Variants in TMPRSS5 observed in about 807,000 individuals in gnomAD.
TMPRSS5 encodes the protein transmembrane serine protease 5, also known as transmembrane protease serine 5.
Under a neutral mutation model 59.7 loss-of-function variants are expected in TMPRSS5, and 45 were observed. The observed-to-expected ratio is 0.75, with a 90% CI of 0.59 to 0.97. The LOEUF (loss-of-function observed/expected upper bound fraction) is 0.97. Ranked by LOEUF, TMPRSS5 falls within the 50% of genes least tolerant of loss-of-function variation. The pLI is 0.00. For synonymous variants in TMPRSS5, 225 were observed against 232.0 expected (o/e 0.97, Z 0.27); for missense variants, 585 against 596.7 (o/e 0.98, Z 0.20).
At chr11:113,700,968 T>C (rs1953114777) in intron 1 of TMPRSS5, among the ~76,000 whole-genome samples, 2 of 152,210 alleles carry the variant, frequency 1.3e-5, no homozygotes, top group South Asian at 4.1e-4. Context: ...TGGGGCTTTT[T>C]CCCTCTCCAC....
At chr11:113,702,779 C>G (rs560642365) in intron 1 of TMPRSS5, among the ~76,000 whole-genome samples, 23 of 152,378 alleles carry the variant, frequency 1.5e-4, no homozygotes, top group African/African-American at 5.3e-4. Flanking sequence ...CAGCTCAGAT[C>G]ATTGCTTCAG....
At chr11:113,699,286 T>TCTCTCC (rs1953049861) in intron 3 of TMPRSS5, among the ~76,000 whole-genome samples, 6 of 124,700 alleles carry the variant, frequency 4.8e-5, no homozygotes, top group East Asian at 8.9e-4. Flanking sequence ...TCTCTCTCTC[T>TCTCTCC]CTCTCTGTCT....
chr11:113,699,160 C>T (rs1953018008), intron 3 of TMPRSS5, 133 bp from the exon 4 acceptor site: 1 of 905,442 alleles, frequency 1.1e-6, no homozygotes, highest in African/African-American at 1.7e-5. Context: ...CGCTCCATCT[C>T]TCTCGGCCTC....
intron 3 of TMPRSS5, among the ~76,000 whole-genome samples, chr11:113,699,260 T>TCTCCCCCCCCC (rs1565263673): frequency 2.8e-5 from 1 of 35,948 alleles, no homozygotes; most frequent in Non-Finnish European, 5.1e-5. Context: ...TCTCTCTCTC[T>TCTCCCCCCCCC]CTCTCTCTCT....
At chr11:113,691,033 C>T in intron 9 of TMPRSS5, 94 bp from the exon 10 acceptor site, 1 of 1,174,536 alleles carries the variant, frequency 8.5e-7, no homozygotes. Flanking sequence ...AAGTCCTCCT[C>T]AGCCCCCTTC....
intron 8 of TMPRSS5, among the ~76,000 whole-genome samples, chr11:113,693,992 G>T (rs538978511): frequency 6.6e-6 from 1 of 152,210 alleles, no homozygotes; most frequent in Non-Finnish European, 1.5e-5. Flanking sequence ...ATGAGGCCAG[G>T]CACGGTGGCT....
rs1221776933 is a variant in TMPRSS5, at chr11:113,689,876, T to G, written c.1248A>C (p.Thr416=). The G allele has an allele frequency of 6.3e-7, 1 of 1,576,234 alleles. No individual in the cohort carries two copies. Among genetic ancestry groups the G allele is most frequent in the East Asian group, 2.4e-5 (1 of 42,472 alleles). The change falls in exon 12 of 13, where the codon ACA becomes ACC. Residue 416 remains threonine, a synonymous_variant. Transcript: ENST00000299882. ...AGCTGACCACCCCCACTAGGCGCCATGTGTCCCCATCTGGGCACACTAGGG... is the reference window on the plus strand; with the variant it reads ...AGCTGACCACCCCCACTAGGCGCCAGGTGTCCCCATCTGGGCACACTAGGG... ...GGPLVCPDGD[T]WRLVGVVSWG... is the part of the protein sequence containing the mutation.
At chr11:113,703,216 A>C (rs1023243068) in intron 1 of TMPRSS5, among the ~76,000 whole-genome samples, 3 of 152,248 alleles carry the variant, frequency 2.0e-5, no homozygotes, top group Non-Finnish European at 2.9e-5. Flanking sequence ...CATCAGCGTG[A>C]CCTGGATATA....
chr11:113,697,299 T>C lies in TMPRSS5; in HGVS notation c.448A>G (p.Ser150Gly), dbSNP rs1952956233. 2 of 1,612,266 alleles carry C rather than the reference T, an allele frequency of 1.2e-6. No individual in the cohort carries two copies. Among genetic ancestry groups the C allele is most frequent in the South Asian group, 2.2e-5 (2 of 91,004 alleles). The change falls in exon 5 of 13, where the codon AGC becomes GGC. Residue 150 changes from serine to glycine, a missense_variant. Physicochemically the swap from Ser to Gly is moderately conservative, Grantham distance 56. Transcript: ENST00000299882. ...TCCTGTTACCTGAGATGCCCAAGGC[T>C]CCAGCAGATCTGCAGCCCCAGGGCG... ...SPALGLQICW[S>G]LGHLRLTHHK...
rs1484805950 is a variant in TMPRSS5 at position 113,699,935 on chromosome 11, G to A, written c.106+131C>T. 2.6e-6 allele frequency: 4 copies of A among 1,527,258 alleles called. No individual in the cohort carries two copies. In the African/African-American group the frequency reaches 4.1e-5, roughly 16 times the overall value. 94.6% of individuals were successfully genotyped at this position (1,527,258 alleles called of 1,614,324 possible). A position where few individuals can be genotyped will look rare whatever the true frequency, so the allele number is the denominator to read the frequency against. On this transcript the variant is annotated intron_variant, in intron 2 of 12. Transcript: ENST00000299882. ...GAAATGGGGAGCAGAAGCAGGTCTG[G>A]GGATAAAGAGTGAGACAGCCTCTCA...
At chr11:113,696,641 C>T (rs1337241014) in intron 6 of TMPRSS5, among the ~76,000 whole-genome samples, 4 of 152,220 alleles carry the variant, frequency 2.6e-5, no homozygotes, top group African/African-American at 7.2e-5. Context: ...ACCAACCCTA[C>T]ATTTCTTGTG....
In TMPRSS5 at chr11:113,706,202, GC is replaced by G; in HGVS notation, c.3+19del. 1 of 1,596,890 alleles carries G rather than the reference GC, an allele frequency of 6.3e-7. No individual in the cohort carries two copies. Among genetic ancestry groups the G allele is most frequent in the Middle Eastern group, 1.7e-4 (1 of 6,034 alleles). On this transcript the variant is annotated intron_variant, in intron 1 of 12. Transcript: ENST00000299882. ...AGAGAGAGAGGCCACAGCAGGGATGGCACAGAGACGTAACCTTACCATAGGG... is the reference window on the plus strand; with the variant it reads ...AGAGAGAGAGGCCACAGCAGGGATGGACAGAGACGTAACCTTACCATAGGG...
In TMPRSS5 at chr11:113,700,184, C is replaced by A; in HGVS notation, c.4-16G>T. The A allele has an allele frequency of 1.3e-6, 2 of 1,521,708 alleles. No individual in the cohort carries two copies. Among genetic ancestry groups the A allele is most frequent in the African/African-American group, 1.4e-5 (1 of 72,808 alleles). 94.3% of individuals were successfully genotyped at this position (1,521,708 alleles called of 1,614,324 possible). On this transcript the variant is annotated splice_polypyrimidine_tract_variant and intron_variant, in intron 1 of 12. Coordinates refer to ENST00000299882, the MANE Select transcript of TMPRSS5 (RefSeq NM_030770.4). Reference sequence around the variant, plus strand: ...GCATCAGGCTCTGGGGAAATAAGGGCCAGACACCCAGGATCCCCACATCAA... The same window carrying A: ...GCATCAGGCTCTGGGGAAATAAGGGACAGACACCCAGGATCCCCACATCAA...
Position 113,696,839 on chromosome 11 carries a change from A to C in TMPRSS5, c.578+19T>G, listed in dbSNP as rs1591381909. 1 of 1,530,740 alleles carries C rather than the reference A, an allele frequency of 6.5e-7. No individual in the cohort carries two copies. The highest frequency in any genetic ancestry group is 1.4e-5 in the African/African-American group (1 of 72,860). The allele number at this position is 1,530,740 out of a possible 1,614,324, so 94.8% of individuals were successfully genotyped here. A position where few individuals can be genotyped will look rare whatever the true frequency, so the allele number is the denominator to read the frequency against. On this transcript the variant is annotated intron_variant, in intron 6 of 12. Coordinates refer to ENST00000299882, the MANE Select transcript of TMPRSS5 (RefSeq NM_030770.4). Reference sequence around the variant, plus strand: ...GGAAGTAAGGGACCCCACTCACCTAACAGCCTCAGTAGTCCTACCTGGGCT... The same window carrying C: ...GGAAGTAAGGGACCCCACTCACCTACCAGCCTCAGTAGTCCTACCTGGGCT...
chr11:113,697,284 T>C lies in TMPRSS5; in HGVS notation c.463A>G (p.Arg155Gly), dbSNP rs1242559996. 3 of 1,608,126 alleles carry C rather than the reference T, an allele frequency of 1.9e-6. No homozygotes were observed. The highest frequency in any genetic ancestry group is 2.6e-6 in the Non-Finnish European group (3 of 1,175,712). The change falls in exon 5 of 13, where the codon AGA (arginine) becomes GGA (glycine). Residue 155 changes from arginine to glycine, a missense_variant and splice_region_variant. Coordinates refer to ENST00000299882, the MANE Select transcript of TMPRSS5 (RefSeq NM_030770.4). The stretch of plus-strand genomic sequence containing the variant: ...GGACCCACATCTAACTCCTGTTACC[T>C]GAGATGCCCAAGGCTCCAGCAGATC... ...LQICWSLGHLRLTHHKGVNLT... is the reference protein window; with the variant it reads ...LQICWSLGHLGLTHHKGVNLT...
At chr11:113,699,759 A>G in intron 2 of TMPRSS5, 66 bp from the exon 3 acceptor site, 6 of 1,499,816 alleles carry the variant, frequency 4.0e-6, no homozygotes, top group Middle Eastern at 1.8e-4. Context: ...CTTCACCCTA[A>G]GTCACCACTA....
At chr11:113,695,874 C>G (rs1179565035) in intron 6 of TMPRSS5, among the ~76,000 whole-genome samples, 1 of 152,190 alleles carries the variant, frequency 6.6e-6, no homozygotes, top group African/African-American at 2.4e-5. Context: ...ATTCTCCACC[C>G]TGGTCCCTCT....
rs1236055507 is a variant in TMPRSS5 at position 113,706,229 on chromosome 11, G to A, written c.-5C>T. On this transcript the variant is annotated 5_prime_UTR_variant, in exon 1 of 13. Transcript: ENST00000299882. ...ACAGAGACGTAACCTTACCATAGGGGTCAGTGGCACTGTTGTAAAGCCTCA... is the reference window on the plus strand; with the variant it reads ...ACAGAGACGTAACCTTACCATAGGGATCAGTGGCACTGTTGTAAAGCCTCA... 1.9e-6 allele frequency: 3 copies of A among 1,601,836 alleles called. No homozygotes were observed. Among genetic ancestry groups the A allele is most frequent in the East Asian group, 2.3e-5 (1 of 44,396 alleles).
chr11:113,704,298 T>G (rs1272591033), intron 1 of TMPRSS5, among the ~76,000 whole-genome samples: 1 of 152,206 alleles, frequency 6.6e-6, no homozygotes. Context: ...ATTTTCTCAT[T>G]TGTAAAATAA....
Sources: allele counts gnomAD v4.1 joint callset (sites outside exome capture counted in the v4.1 genomes callset), GRCh38; gene constraint gnomAD v4.1.1; transcripts MANE v1.5; gene names NCBI Gene and HGNC (gene_info 2026-07-23, HGNC 2026-07-21).